Variants in ANKRD31 observed in about 807,000 individuals in gnomAD.
The protein encoded by ANKRD31 is ankyrin repeat domain 31.
In ANKRD31, 147 loss-of-function variants were observed where a neutral mutation model predicts 186.0. The observed-to-expected ratio is 0.79, with a 90% CI of 0.69 to 0.91. The LOEUF (loss-of-function observed/expected upper bound fraction) is 0.91. ANKRD31 is among the 40% of genes least tolerant of loss of function. ANKRD31 has a pLI of 0.00. For missense variants in ANKRD31, 1,986 were observed against 2,148.8 expected (o/e 0.92, Z 1.50); for synonymous variants, 673 against 736.4 (o/e 0.91, Z 1.39).
At position 75,091,363 on chromosome 5, in the gene ANKRD31, T is replaced by G. The variant is rs1745908197; in HGVS notation, c.5370A>C (p.Lys1790Asn). 6.5e-7 allele frequency: 1 copy of G among 1,536,858 alleles called. No individual in the cohort carries two copies. The highest frequency in any genetic ancestry group is 1.2e-5 in the South Asian group (1 of 84,044). ...AAATCTGACCACTTTCTACCTTAAG[T>G]TTACCATTCAATAAAATACTGGCTT... is the stretch of plus-strand genomic sequence containing the variant. Reference protein sequence around the residue: ...THKASILLNGKLKVESGQIYK... With the variant: ...THKASILLNGNLKVESGQIYK... Residue 1790 changes from lysine to asparagine, a missense_variant, in exon 23 of 26, where the codon AAA (lysine) becomes AAC (asparagine). Coordinates refer to ENST00000506364, the MANE Select transcript of ANKRD31 (RefSeq NM_001372053.1).
At chr5:75,103,179 C>T (rs1053538139) in intron 22 of ANKRD31, among the ~76,000 whole-genome samples, 4 of 152,170 alleles carry the variant, frequency 2.6e-5, no homozygotes, top group Non-Finnish European at 4.4e-5. Flanking sequence ...AATAGGGAAT[C>T]ATTTCCCCAT....
In ANKRD31 at chr5:75,095,847, T is replaced by C. The variant is rs113528369; in HGVS notation, c.5332-4446A>G. Among the ~76,000 whole-genome samples, 459 of 152,278 alleles carry C rather than the reference T, an allele frequency of 3.0e-3. 3 individuals are homozygous for C. The highest frequency in any genetic ancestry group is 9.8e-3 in the African/African-American group (409 of 41,546). ...AAACAGTATATACAGGGTTCGGGAC[T>C]ATCTGTGGTTTCAGGCTTCCCCTAG... On this transcript the variant is annotated intron_variant, in intron 22 of 25. Transcript: ENST00000506364.
chr5:75,217,740 A>G lies in ANKRD31; in HGVS notation c.288+4509T>C, dbSNP rs111333868. Among the ~76,000 whole-genome samples, 456 of 152,266 alleles carry G rather than the reference A, an allele frequency of 3.0e-3. 3 individuals carry two copies. Among genetic ancestry groups the G allele is most frequent in the African/African-American group, 9.8e-3 (406 of 41,560 alleles). On this transcript the variant is annotated intron_variant, in intron 3 of 25. Transcript: ENST00000506364. ...CCACTCTGTGTCTTTTAATGGGGAC[A>G]TTAAGTTCATTCATATTCAACATTA...
At chr5:75,172,281 G>A (rs564927188) in intron 10 of ANKRD31, among the ~76,000 whole-genome samples, 1 of 151,018 alleles carries the variant, frequency 6.6e-6, no homozygotes, top group Non-Finnish European at 1.5e-5. Context: ...ATTCACCACA[G>A]TAGTGAAATA....
intron 11 of ANKRD31, among the ~76,000 whole-genome samples, chr5:75,162,803 A>G (rs543051946): frequency 2.1e-4 from 32 of 152,260 alleles, no homozygotes; most frequent in Non-Finnish European, 5.9e-5. Flanking sequence ...CCCAGGTGCT[A>G]GGTATGCTCA....
In ANKRD31 at chr5:75,114,866, C is replaced by T. The variant is rs1380058779; in HGVS notation, c.4155+1700G>A. ...TTTACAGATTCAATGCCATCCCCAT[C>T]AAGCTACCAATGACTTTCTTCACAG... On this transcript the variant is annotated intron_variant, in intron 19 of 25. Transcript: ENST00000506364. Among the ~76,000 whole-genome samples the T allele has an allele frequency of 2.6e-5, 4 of 152,104 alleles. No individual in the cohort carries two copies. The East Asian group carries it at 7.7e-4, about 29-fold the overall frequency.
chr5:75,138,019 A>AG, intron 16 of ANKRD31, 21 bp from the exon 17 acceptor site: 1 of 1,453,146 alleles, frequency 6.9e-7, no homozygotes, highest in Non-Finnish European at 9.0e-7. Context: ...AAAAAGAAAA[A>AG]AAAAAACCCT....
At chr5:75,102,521 C>T (rs1421776159) in intron 22 of ANKRD31, among the ~76,000 whole-genome samples, 1 of 152,226 alleles carries the variant, frequency 6.6e-6, no homozygotes, top group Non-Finnish European at 1.5e-5. Flanking sequence ...CTATGCCCTG[C>T]CCCCAGAGGT....
chr5:75,178,193 A>G (rs187955060), intron 10 of ANKRD31, among the ~76,000 whole-genome samples: 1 of 152,338 alleles, frequency 6.6e-6, no homozygotes, highest in African/African-American at 2.4e-5. Context: ...ACTGTCCTAA[A>G]TATATATGCA....
chr5:75,162,453 G>A (rs1368020956), intron 11 of ANKRD31, among the ~76,000 whole-genome samples: 3 of 152,212 alleles, frequency 2.0e-5, no homozygotes, highest in African/African-American at 7.2e-5. Context: ...ACTTGCTTTT[G>A]ATTTTACAGG....
chr5:75,230,895 C>T (rs1344041023), intron 1 of ANKRD31, among the ~76,000 whole-genome samples: 1 of 152,050 alleles, frequency 6.6e-6, no homozygotes, highest in Non-Finnish European at 1.5e-5. Context: ...GGACAAATAT[C>T]GTTGTCTCTA....
At position 75,117,873 on chromosome 5, in the gene ANKRD31, T is replaced by C. The variant is rs921419648; in HGVS notation, c.4039+262A>G. Among the ~76,000 whole-genome samples the C allele has an allele frequency of 8.5e-5, 13 of 152,160 alleles. No individual in the cohort carries two copies. The East Asian group carries it at 2.5e-3, about 29-fold the overall frequency. On this transcript the variant is annotated intron_variant, in intron 18 of 25. Transcript: ENST00000506364. ...AATTACATCTCTATCTCAAACCCAA[T>C]GTTAGGGACATTAATGTTTGCTTGA...
intron 1 of ANKRD31, among the ~76,000 whole-genome samples, chr5:75,231,971 T>A (rs1020299294): frequency 2.0e-5 from 3 of 150,676 alleles, no homozygotes; most frequent in African/African-American, 7.3e-5. Flanking sequence ...GTTCTCAGCA[T>A]CAGAAAAGTT....
In ANKRD31 at chr5:75,105,929, A is replaced by C. The variant is rs183402677; in HGVS notation, c.4341-711T>G. 4.8e-3 allele frequency among the ~76,000 whole-genome samples: 729 copies of C among 152,234 alleles called. 5 individuals carry two copies. Among genetic ancestry groups the C allele is most frequent in the Admixed American group, 0.019 (298 of 15,286 alleles). On this transcript the variant is annotated intron_variant, in intron 21 of 25. Transcript: ENST00000506364. ...ATCTTCATACTTTTGTCTTTTGATT[A>C]TGCCCACCAATCCCACCCTGACCTT...
intron 22 of ANKRD31, among the ~76,000 whole-genome samples, chr5:75,091,958 G>C (rs1237023734): frequency 1.3e-5 from 2 of 152,066 alleles, no homozygotes; most frequent in Non-Finnish European, 2.9e-5. Flanking sequence ...TTCACATTGG[G>C]AGAGGCAAAC....
chr5:75,178,274 C>T (rs1753984695), intron 10 of ANKRD31, among the ~76,000 whole-genome samples: 2 of 152,290 alleles, frequency 1.3e-5, no homozygotes, highest in South Asian at 2.1e-4. Context: ...GACTCCCACA[C>T]ATTAATAATG....
chr5:75,176,766 A>C (rs1242089214), intron 10 of ANKRD31, among the ~76,000 whole-genome samples: 1 of 152,206 alleles, frequency 6.6e-6, no homozygotes, highest in Non-Finnish European at 1.5e-5. Context: ...AGGTAGATAA[A>C]ACCACAAAGA....
intron 17 of ANKRD31, among the ~76,000 whole-genome samples, chr5:75,126,151 T>C (rs1288230356): frequency 2.6e-5 from 4 of 152,222 alleles, no homozygotes; most frequent in South Asian, 2.1e-4. Context: ...TTCACCCATA[T>C]TGTTGTGTAT....
chr5:75,193,357 C>G lies in ANKRD31; in HGVS notation c.1252G>C (p.Gly418Arg). The G allele has an allele frequency of 2.0e-6, 3 of 1,536,860 alleles. No homozygotes were observed. Among genetic ancestry groups the G allele is most frequent in the Non-Finnish European group, 2.6e-6 (3 of 1,146,698 alleles). Residue 418 changes from glycine to arginine, a missense_variant, in exon 8 of 26, where the codon GGC (glycine) becomes CGC (arginine). Coordinates refer to ENST00000506364, the MANE Select transcript of ANKRD31 (RefSeq NM_001372053.1). ...TTATTATTTGTTAGGTCCTCACAGC[C>G]AAGGATTTTTGGTAAAATCTTTTCT... is the stretch of plus-strand genomic sequence containing the variant. ...MPEKILPKIL[G>R]CEDLTNNNSS... is the part of the protein sequence containing the mutation.
Sources: allele counts gnomAD v4.1 joint callset (sites outside exome capture counted in the v4.1 genomes callset), GRCh38; gene constraint gnomAD v4.1.1; transcripts MANE v1.5; gene names NCBI Gene and HGNC (gene_info 2026-07-23, HGNC 2026-07-21).